SSU72: variants seen among roughly 807,000 people sequenced by gnomAD.
SSU72 encodes RNA polymerase II subunit A C-terminal domain phosphatase SSU72.
In SSU72, 12 loss-of-function variants were observed where a neutral mutation model predicts 22.7. The observed-to-expected ratio is 0.53, with a 90% CI of 0.34 to 0.86. The LOEUF is 0.86. SSU72 is among the 40% of genes least tolerant of loss of function. The pLI is 0.02. For synonymous variants in SSU72, 116 were observed against 98.3 expected, an observed-to-expected ratio of 1.18 and a Z score of -1.06; for missense variants, 151 against 249.8, an observed-to-expected ratio of 0.60 and a Z score of 2.67.
Position 1,574,492 on chromosome 1 carries a change from C to G in SSU72, c.66G>C (p.Ala22=). The G allele has an allele frequency of 6.3e-7, 1 of 1,595,364 alleles. No homozygotes were observed. The highest frequency in any genetic ancestry group is 2.4e-5 in the East Asian group (1 of 41,866). The change falls in exon 1 of 5, where the codon GCG becomes GCC. Residue 22 remains alanine (A), a synonymous_variant. Coordinates refer to ENST00000291386, the MANE Select transcript of SSU72 (RefSeq NM_014188.3). Reference sequence around the variant, plus strand: ...AGCCCAACTACCTGAGGATGTTGTGCGCCTCCATGCTCCGGTTCTGGTTGC... The same window carrying G: ...AGCCCAACTACCTGAGGATGTTGTGGGCCTCCATGCTCCGGTTCTGGTTGC... The part of the protein sequence containing the change: ...CSSNQNRSME[A]HNILSKRGFS...
At chr1:1,559,065 A>G (rs189907026) in intron 2 of SSU72, among the ~76,000 whole-genome samples, 3 of 152,394 alleles carry the variant, frequency 2.0e-5, no homozygotes, top group Non-Finnish European at 2.9e-5. Flanking sequence ...GCCAGGCTCA[A>G]GCCCCTCGGC....
intron 2 of SSU72, among the ~76,000 whole-genome samples, chr1:1,547,896 G>C (rs12085735): frequency 0.054 from 8,232 of 152,298 alleles, 579 homozygotes; most frequent in East Asian, 0.27. Flanking sequence ...GCGCCGCCCA[G>C]GTCCTGCAGA....
chr1:1,571,244 C>CAAAAAAAAA lies in SSU72; in HGVS notation c.80+3225_80+3233dup, dbSNP rs753699933. Among the ~76,000 whole-genome samples, 6 of 46,896 alleles carry CAAAAAAAAA rather than the reference C, an allele frequency of 1.3e-4. 2 individuals carry two copies. Among genetic ancestry groups the CAAAAAAAAA allele is most frequent in the Non-Finnish European group, 2.3e-4 (5 of 22,146 alleles). 30.8% of individuals were successfully genotyped at this position (46,896 alleles called of 152,430 possible). A position where few individuals can be genotyped will look rare whatever the true frequency, so the allele number is the denominator to read the frequency against. On this transcript the variant is annotated intron_variant, in intron 1 of 4. Transcript: ENST00000291386. ...TGGGCGACAGAGTGAGACTCCATCT[C>CAAAAAAAAA]AAAAAAAAAAAAAAAAAAAAAAAAA...
At chr1:1,557,188 G>C (rs1328214457) in intron 2 of SSU72, among the ~76,000 whole-genome samples, 3 of 152,102 alleles carry the variant, frequency 2.0e-5, no homozygotes, top group South Asian at 2.1e-4. Context: ...CGAGGCGGGT[G>C]AATCACTTGA....
At chr1:1,565,480 A>C (rs889072144) in intron 1 of SSU72, among the ~76,000 whole-genome samples, 1 of 152,366 alleles carries the variant, frequency 6.6e-6, no homozygotes, top group Non-Finnish European at 1.5e-5. Context: ...GGACTTGGGG[A>C]AGATTTCATC....
chr1:1,556,287 C>T (rs1035017974), intron 2 of SSU72, among the ~76,000 whole-genome samples: 1 of 152,172 alleles, frequency 6.6e-6, no homozygotes, highest in Non-Finnish European at 1.5e-5. Flanking sequence ...AAAGAATTAG[C>T]CAGGCGTGGT....
At chr1:1,566,025 G>GGTGGGC (rs1642656729) in intron 1 of SSU72, among the ~76,000 whole-genome samples, 1 of 151,952 alleles carries the variant, frequency 6.6e-6, no homozygotes, top group Non-Finnish European at 1.5e-5. Flanking sequence ...GGGAGGCCGA[G>GGTGGGC]ACAAATGGAT....
At chr1:1,572,626 T>G (rs1424700622) in intron 1 of SSU72, among the ~76,000 whole-genome samples, 5 of 149,900 alleles carry the variant, frequency 3.3e-5, no homozygotes, top group Non-Finnish European at 7.4e-5. Flanking sequence ...CCGGCTAATT[T>G]TTTTGTATTT....
At position 1,566,854 on chromosome 1, in the gene SSU72, CAA is replaced by C. The variant is rs35297403; in HGVS notation, c.81-1940_81-1939del. Among the ~76,000 whole-genome samples the C allele has an allele frequency of 7.4e-3, 1,040 of 140,550 alleles. 11 individuals carry two copies. The highest frequency in any genetic ancestry group is 0.021 in the African/African-American group (810 of 39,200). The allele number at this position is 140,550 out of a possible 152,430, so 92.2% of individuals were successfully genotyped here. A position where few individuals can be genotyped will look rare whatever the true frequency, so the allele number is the denominator to read the frequency against. The stretch of plus-strand genomic sequence containing the variant: ...GGGCGACAAGAGCGAGACCCTGTCT[CAA>C]AAAAAAAAAAAAATTACTGAATGTT... On this transcript the variant is annotated intron_variant, in intron 1 of 4. Transcript: ENST00000291386.
chr1:1,564,216 T>C (rs879831165), intron 2 of SSU72: 3 of 321,238 alleles, frequency 9.3e-6, no homozygotes, highest in African/African-American at 2.1e-5. Context: ...CTTCTCTCTA[T>C]AGGAGTCTTC....
At chr1:1,553,973 C>T (rs1290248074) in intron 2 of SSU72, among the ~76,000 whole-genome samples, 2 of 152,146 alleles carry the variant, frequency 1.3e-5, no homozygotes. Context: ...AAGCAGGGAT[C>T]CTCCTGGGGA....
intron 2 of SSU72, among the ~76,000 whole-genome samples, chr1:1,558,334 T>G (rs1256688878): frequency 6.6e-6 from 1 of 152,024 alleles, no homozygotes; most frequent in Non-Finnish European, 1.5e-5. Context: ...CACCACTGCA[T>G]TGCAGCCCAC....
rs2377417 is a variant in SSU72 at position 1,559,267 on chromosome 1, G to A, written c.224+5506C>T. ...GGGAAGCAGCTAAACTGGACGGTGT[G>A]GAACGGGCGGACCTGTAGCACGGGA... On this transcript the variant is annotated intron_variant, in intron 2 of 4. Coordinates refer to ENST00000291386, the MANE Select transcript of SSU72 (RefSeq NM_014188.3). Among the ~76,000 whole-genome samples the A allele has an allele frequency of 6.1e-3, 923 of 152,274 alleles. 13 individuals carry two copies. The highest frequency in any genetic ancestry group is 0.021 in the African/African-American group (872 of 41,562).
At chr1:1,571,399 C>A (rs1480409775) in intron 1 of SSU72, among the ~76,000 whole-genome samples, 2 of 149,884 alleles carry the variant, frequency 1.3e-5, no homozygotes, top group Non-Finnish European at 3.0e-5. Flanking sequence ...TCATTGCACT[C>A]CAGCCTGGGC....
intron 2 of SSU72, among the ~76,000 whole-genome samples, chr1:1,549,782 G>A (rs1279299858): frequency 6.6e-6 from 1 of 151,978 alleles, no homozygotes; most frequent in Non-Finnish European, 1.5e-5. Flanking sequence ...AGACCATCCT[G>A]GCTAACATGG....
At chr1:1,569,503 T>C (rs1247532890) in intron 1 of SSU72, among the ~76,000 whole-genome samples, 1 of 152,138 alleles carries the variant, frequency 6.6e-6, no homozygotes. Flanking sequence ...ACTGTGTCTG[T>C]TTTTAGAGAC....
chr1:1,564,424 G>A, intron 2 of SSU72: 1 of 1,441,572 alleles, frequency 6.9e-7, no homozygotes, highest in Non-Finnish European at 9.1e-7. Context: ...ACCTGCAAAG[G>A]AAATAACGGG....
intron 1 of SSU72, among the ~76,000 whole-genome samples, chr1:1,571,314 T>C (rs1052647015): frequency 1.5e-5 from 2 of 135,970 alleles, no homozygotes; most frequent in African/African-American, 2.7e-5. Flanking sequence ...GCGCCTGTAG[T>C]CCCAGCTACT....
At position 1,574,806 on chromosome 1, in the gene SSU72, C is replaced by G. The variant is rs1481532562; in HGVS notation, c.-249G>C. Reference sequence around the variant, plus strand: ...GAGGCCGGGGGCGGCCAACGCCGCGCCGGCCCCCGGCGTCCGCAGCAGAGA... The same window carrying G: ...GAGGCCGGGGGCGGCCAACGCCGCGGCGGCCCCCGGCGTCCGCAGCAGAGA... On this transcript the variant is annotated 5_prime_UTR_variant, in exon 1 of 5. Transcript: ENST00000291386. The G allele has an allele frequency of 4.5e-6, 1 of 224,682 alleles. No individual in the cohort carries two copies. The highest frequency in any genetic ancestry group is 6.2e-5 in the Admixed American group (1 of 16,034). The allele number at this position is 224,682 out of a possible 1,614,324, so 13.9% of individuals were successfully genotyped here. A position where few individuals can be genotyped will look rare whatever the true frequency, so the allele number is the denominator to read the frequency against.
Sources: gnomAD v4.1 joint callset for allele counts (sites outside exome capture counted in the v4.1 genomes callset) on GRCh38, gnomAD v4.1.1 for gene constraint, MANE v1.5 for transcripts, NCBI Gene and HGNC (gene_info 2026-07-23, HGNC 2026-07-21) for gene names.